Variants in PDGFC observed in about 807,000 individuals in gnomAD.
PDGFC encodes the protein platelet derived growth factor C, also known as platelet-derived growth factor C.
Under a neutral mutation model 35.5 loss-of-function variants are expected in PDGFC, and 12 were observed. The observed-to-expected ratio is 0.34, with a 90% CI of 0.22 to 0.55. The LOEUF is 0.55. Ranked by LOEUF, PDGFC falls within the 20% of genes least tolerant of loss-of-function variation. The pLI is 0.91. For synonymous variants in PDGFC, 159 were observed against 148.8 expected (o/e 1.07, Z -0.50); for missense variants, 322 against 412.4 (o/e 0.78, Z 1.90).
At chr4:156,888,130 T>C (rs1730419395) in intron 1 of PDGFC, among the ~76,000 whole-genome samples, 1 of 151,980 alleles carries the variant, frequency 6.6e-6, no homozygotes, top group Non-Finnish European at 1.5e-5. Context: ...GAGGTACCCA[T>C]GGAGAGGTGT....
At chr4:156,809,700 T>A (rs188646879) in intron 3 of PDGFC, among the ~76,000 whole-genome samples, 161 of 129,728 alleles carry the variant, frequency 1.2e-3, no homozygotes, top group Non-Finnish European at 1.8e-3. Flanking sequence ...ATCTATGTAG[T>A]CACAAAATCA....
chr4:156,807,281 A>C (rs1718194349), intron 3 of PDGFC, among the ~76,000 whole-genome samples: 5 of 152,058 alleles, frequency 3.3e-5, no homozygotes, highest in Admixed American at 2.0e-4. Flanking sequence ...TATAACCTCA[A>C]GTAAATAACA....
At chr4:156,901,376 T>G (rs2110765168) in intron 1 of PDGFC, among the ~76,000 whole-genome samples, 1 of 152,090 alleles carries the variant, frequency 6.6e-6, no homozygotes, top group Admixed American at 6.5e-5. Flanking sequence ...TGTGAAGGAT[T>G]AATATGAAGA....
At chr4:156,967,181 T>C (rs535249119) in intron 1 of PDGFC, 9 of 152,304 alleles carry the variant, frequency 5.9e-5, no homozygotes, top group African/African-American at 2.2e-4. Context: ...ATTGTGGTTA[T>C]CTGTTTTTGA....
At chr4:156,890,463 C>T (rs924573649) in intron 1 of PDGFC, among the ~76,000 whole-genome samples, 2 of 152,148 alleles carry the variant, frequency 1.3e-5, no homozygotes, top group African/African-American at 4.8e-5. Context: ...AATGCCCTTT[C>T]CCACCTAACT....
chr4:156,870,384 C>T (rs1729951587), intron 1 of PDGFC, among the ~76,000 whole-genome samples: 1 of 152,022 alleles, frequency 6.6e-6, no homozygotes, highest in Non-Finnish European at 1.5e-5. Flanking sequence ...TATTTCATAA[C>T]ATTAGAAAAC....
chr4:156,942,903 G>A (rs1731843062), intron 1 of PDGFC, among the ~76,000 whole-genome samples: 1 of 151,946 alleles, frequency 6.6e-6, no homozygotes, highest in Non-Finnish European at 1.5e-5. Context: ...AGTAATATGT[G>A]TTAGACAGAT....
chr4:156,799,968 G>C (rs949929952), intron 3 of PDGFC, among the ~76,000 whole-genome samples: 2 of 152,014 alleles, frequency 1.3e-5, no homozygotes, highest in Non-Finnish European at 2.9e-5. Flanking sequence ...ATAATCAACA[G>C]GAATAGCATA....
intron 1 of PDGFC, among the ~76,000 whole-genome samples, chr4:156,906,829 T>C (rs1730926151): frequency 6.6e-6 from 1 of 152,134 alleles, no homozygotes; most frequent in Admixed American, 6.5e-5. Flanking sequence ...TAGAATAATA[T>C]CTGATATTCT....
At chr4:156,870,984 A>C (rs1357627238) in intron 1 of PDGFC, among the ~76,000 whole-genome samples, 7 of 152,194 alleles carry the variant, frequency 4.6e-5, no homozygotes, top group Non-Finnish European at 8.8e-5. Flanking sequence ...CAAAACACTA[A>C]AAGTTAATGC....
intron 1 of PDGFC, among the ~76,000 whole-genome samples, chr4:156,897,350 ATGTGTGTG>A (rs70956698): frequency 1.6e-4 from 23 of 143,092 alleles, no homozygotes; most frequent in East Asian, 6.2e-4. Context: ...GTGAGAGTGT[ATGTGTGTG>A]TGTGTGTGTG....
At chr4:156,927,891 G>A (rs375361052) in intron 1 of PDGFC, among the ~76,000 whole-genome samples, 1 of 152,060 alleles carries the variant, frequency 6.6e-6, no homozygotes, top group Non-Finnish European at 1.5e-5. Flanking sequence ...TTTTCATGCT[G>A]CTGATAAAGA....
At chr4:156,937,152 TGAAGCCATAGTGATA>T (rs1731702904) in intron 1 of PDGFC, among the ~76,000 whole-genome samples, 1 of 152,182 alleles carries the variant, frequency 6.6e-6, no homozygotes, top group African/African-American at 2.4e-5. Flanking sequence ...ACATGGTTAT[TGAAGCCATAGTGATA>T]GAAGGCATTT....
intron 1 of PDGFC, among the ~76,000 whole-genome samples, chr4:156,895,459 C>A (rs960938706): frequency 6.6e-6 from 1 of 151,844 alleles, no homozygotes; most frequent in South Asian, 2.1e-4. Context: ...ATGGTAAACC[C>A]CATCTCTACT....
At chr4:156,773,243 T>G (rs1446107748) in intron 3 of PDGFC, among the ~76,000 whole-genome samples, 1 of 152,194 alleles carries the variant, frequency 6.6e-6, no homozygotes, top group East Asian at 1.9e-4. Flanking sequence ...CCACTTTTCA[T>G]TTTCCTTAAT....
At chr4:156,903,218 TTACA>T (rs751497955) in intron 1 of PDGFC, among the ~76,000 whole-genome samples, 8 of 151,506 alleles carry the variant, frequency 5.3e-5, no homozygotes, top group Non-Finnish European at 1.0e-4. Context: ...AATATTAAAC[TTACA>T]TACAAATACA....
chr4:156,954,089 T>A (rs1397314965), intron 1 of PDGFC, among the ~76,000 whole-genome samples: 1 of 151,966 alleles, frequency 6.6e-6, no homozygotes, highest in Non-Finnish European at 1.5e-5. Flanking sequence ...CCTTGTGCAG[T>A]CTGGGCACCA....
At chr4:156,858,781 A>T (rs192179570) in intron 1 of PDGFC, among the ~76,000 whole-genome samples, 15 of 152,250 alleles carry the variant, frequency 9.9e-5, no homozygotes, top group African/African-American at 2.6e-4. Flanking sequence ...CCACAAATTC[A>T]CATTATATAT....
chr4:156,802,899 G>C (rs545258395), intron 3 of PDGFC, among the ~76,000 whole-genome samples: 3 of 152,096 alleles, frequency 2.0e-5, no homozygotes, highest in Admixed American at 6.5e-5. Context: ...AGTTATGCAA[G>C]GCTGCAAAAA....
Sources: allele counts gnomAD v4.1 joint callset (sites outside exome capture counted in the v4.1 genomes callset), GRCh38; gene constraint gnomAD v4.1.1; transcripts MANE v1.5; gene names NCBI Gene and HGNC (gene_info 2026-07-23, HGNC 2026-07-21).